RAPGEF4: variants seen among roughly 807,000 people sequenced by gnomAD.
The protein encoded by RAPGEF4 is Rap guanine nucleotide exchange factor 4.
Under a neutral mutation model 147.9 loss-of-function variants are expected in RAPGEF4, and 66 were observed. The ratio of observed to expected loss-of-function variants is 0.45; its 90% CI spans 0.37 to 0.55. The LOEUF (loss-of-function observed/expected upper bound fraction) is 0.55, where lower values mean the gene tolerates loss of function less well. RAPGEF4 is among the 20% of genes least tolerant of loss of function. The pLI, the probability that RAPGEF4 is intolerant of heterozygous loss-of-function variation, is 0.00. For missense variants in RAPGEF4, 1,071 were observed against 1,257.3 expected, an observed-to-expected ratio of 0.85 and a Z score of 2.24; for synonymous variants, 419 against 442.7, an observed-to-expected ratio of 0.95 and a Z score of 0.67.
rs921533665 is a variant in RAPGEF4 at position 172,750,347 on chromosome 2, G to A, written c.65+14299G>A. ...GGGAGGCCTCACAATCATGGCAGAA[G>A]GTGAAAGGCACCTCTTATATTGGCG... On this transcript the variant is annotated intron_variant, in intron 1 of 30. Coordinates refer to ENST00000397081, the MANE Select transcript of RAPGEF4 (RefSeq NM_007023.4). Among the ~76,000 whole-genome samples, 6 of 151,994 alleles carry A rather than the reference G, an allele frequency of 3.9e-5. No homozygotes were observed. The South Asian group carries it at 1.2e-3, about 32-fold the overall frequency.
In RAPGEF4 at chr2:172,799,866, A is replaced by G. The variant is rs80182064; in HGVS notation, c.297+2253A>G. 5.9e-5 allele frequency among the ~76,000 whole-genome samples: 9 copies of G among 152,288 alleles called. No homozygotes were observed. In the East Asian group the frequency reaches 1.7e-3, roughly 29 times the overall value. On this transcript the variant is annotated intron_variant, in intron 3 of 30. Coordinates refer to ENST00000397081, the MANE Select transcript of RAPGEF4 (RefSeq NM_007023.4). Reference sequence around the variant, plus strand: ...CAGCTCTTATGTGCTGACACACCAGATGTGAAAGCTGGCCGAGATTTTGAT... The same window carrying G: ...CAGCTCTTATGTGCTGACACACCAGGTGTGAAAGCTGGCCGAGATTTTGAT...
chr2:173,043,200 A>G (rs559323536), intron 29 of RAPGEF4, among the ~76,000 whole-genome samples: 38 of 152,362 alleles, frequency 2.5e-4, no homozygotes, highest in Non-Finnish European at 4.7e-4. Flanking sequence ...GCAAGGAGTA[A>G]TTAACAAAGG....
At chr2:172,787,270 C>A (rs1202801099) in intron 1 of RAPGEF4, among the ~76,000 whole-genome samples, 1 of 152,052 alleles carries the variant, frequency 6.6e-6, no homozygotes, top group Non-Finnish European at 1.5e-5. Flanking sequence ...TCAATACATT[C>A]TAATAAAATG....
At chr2:172,785,569 A>G (rs1167034158) in intron 1 of RAPGEF4, among the ~76,000 whole-genome samples, 2 of 152,216 alleles carry the variant, frequency 1.3e-5, no homozygotes, top group Admixed American at 1.3e-4. Flanking sequence ...CCTTAAAGTC[A>G]TTCTAATGCA....
chr2:172,969,754 T>TAAAC (rs1690257808), intron 10 of RAPGEF4, among the ~76,000 whole-genome samples: 1 of 152,212 alleles, frequency 6.6e-6, no homozygotes, highest in Admixed American at 6.5e-5. Context: ...TCATGCTAAT[T>TAAAC]GTTTGATTTA....
At chr2:172,934,205 G>A (rs1029686176) in intron 6 of RAPGEF4, among the ~76,000 whole-genome samples, 169 of 135,456 alleles carry the variant, frequency 1.2e-3, no homozygotes, top group African/African-American at 4.4e-3. Flanking sequence ...GCTGGAGTGC[G>A]ATGGCGCAAT....
intron 4 of RAPGEF4, among the ~76,000 whole-genome samples, chr2:172,822,585 G>A (rs1559059139): frequency 6.6e-6 from 1 of 152,248 alleles, no homozygotes; most frequent in Non-Finnish European, 1.5e-5. Flanking sequence ...TGCCAGGAAT[G>A]CCCAGATGCT....
rs115855102 is a variant in RAPGEF4, at chr2:172,776,469, C to T, written c.66-18556C>T. ...TTAGACTTTTGGGCGTATTTACTGC[C>T]TTTTTAACTGGAAAATTTTCATCCA... On this transcript the variant is annotated intron_variant, in intron 1 of 30. Coordinates refer to ENST00000397081, the MANE Select transcript of RAPGEF4 (RefSeq NM_007023.4). Among the ~76,000 whole-genome samples, 1,368 of 152,178 alleles carry T rather than the reference C, an allele frequency of 9.0e-3. 11 individuals are homozygous for T. The highest frequency in any genetic ancestry group is 0.014 in the Non-Finnish European group (956 of 68,002).
intron 17 of RAPGEF4, among the ~76,000 whole-genome samples, chr2:173,007,918 C>T (rs1225680579): frequency 2.0e-5 from 3 of 152,212 alleles, no homozygotes; most frequent in South Asian, 2.1e-4. Context: ...TTATGCTTAA[C>T]CTCTCCAAGC....
chr2:172,913,137 C>T (rs1456688862), intron 4 of RAPGEF4, among the ~76,000 whole-genome samples: 2 of 152,088 alleles, frequency 1.3e-5, no homozygotes. Context: ...CTCAGGCGAT[C>T]CACCTGCCTC....
chr2:172,993,419 G>C (rs1347593889), intron 15 of RAPGEF4, among the ~76,000 whole-genome samples: 1 of 152,040 alleles, frequency 6.6e-6, no homozygotes, highest in Non-Finnish European at 1.5e-5. Context: ...GTCTCTTTCA[G>C]GTCCCCTTCT....
At chr2:172,874,674 T>G (rs1695667126) in intron 4 of RAPGEF4, among the ~76,000 whole-genome samples, 1 of 152,188 alleles carries the variant, frequency 6.6e-6, no homozygotes. Context: ...TGGTTCCAGG[T>G]CTTTGCTATT....
At chr2:172,840,822 T>C (rs892191730) in intron 4 of RAPGEF4, among the ~76,000 whole-genome samples, 6 of 152,204 alleles carry the variant, frequency 3.9e-5, no homozygotes, top group African/African-American at 1.4e-4. Context: ...GATCACTCAT[T>C]GCCTATGAAC....
intron 1 of RAPGEF4, among the ~76,000 whole-genome samples, chr2:172,747,817 C>A (rs141609547): frequency 7.9e-5 from 12 of 152,242 alleles, no homozygotes; most frequent in African/African-American, 2.6e-4. Context: ...CCAATATCTC[C>A]CCATTTCCCC....
intron 4 of RAPGEF4, among the ~76,000 whole-genome samples, chr2:172,879,236 T>C (rs1696326487): frequency 1.3e-5 from 2 of 152,176 alleles, no homozygotes; most frequent in African/African-American, 4.8e-5. Flanking sequence ...TTTAAAAAAC[T>C]GAGAGATCTA....
intron 1 of RAPGEF4, among the ~76,000 whole-genome samples, chr2:172,764,040 C>T (rs1459944732): frequency 6.6e-6 from 1 of 151,956 alleles, no homozygotes; most frequent in Non-Finnish European, 1.5e-5. Context: ...CACTCGAACC[C>T]AGGAGTTTGG....
At chr2:172,958,923 A>G (rs557272165) in intron 6 of RAPGEF4, among the ~76,000 whole-genome samples, 1 of 152,314 alleles carries the variant, frequency 6.6e-6, no homozygotes, top group South Asian at 2.1e-4. Flanking sequence ...AAAAAGGTAT[A>G]TATTTATGCA....
intron 8 of RAPGEF4, 26 bp downstream of exon 8, chr2:172,961,254 T>TG (rs1689261172): frequency 6.0e-6 from 9 of 1,494,042 alleles, no homozygotes; most frequent in African/African-American, 1.4e-5. Flanking sequence ...CTAAAGGCTG[T>TG]GCCCCGCTCA....
At chr2:172,736,189 C>T (rs1168353184) in intron 1 of RAPGEF4, 141 bp downstream of exon 1, 2 of 508,996 alleles carry the variant, frequency 3.9e-6, no homozygotes, top group East Asian at 8.2e-5. Flanking sequence ...GGGTTGAGGT[C>T]CTCGTCCGGG....
Sources: gnomAD v4.1 joint callset for allele counts (sites outside exome capture counted in the v4.1 genomes callset) on GRCh38, gnomAD v4.1.1 for gene constraint, MANE v1.5 for transcripts, NCBI Gene and HGNC (gene_info 2026-07-23, HGNC 2026-07-21) for gene names.